HTR3B: variants seen among roughly 807,000 people sequenced by gnomAD.
HTR3B encodes 5-hydroxytryptamine (serotonin) receptor 3B, ionotropic.
HTR3B carries 44 observed loss-of-function variants against 42.8 expected under a neutral mutation model. That is an observed-to-expected ratio of 1.03 (90% confidence interval 0.81 to 1.32). HTR3B has a LOEUF of 1.32. HTR3B is among the 40% of genes most tolerant of loss of function. The probability of loss-of-function intolerance (pLI) is 0.00; values close to 1 mark genes in which losing one functional copy is unlikely to be tolerated. For missense variants in HTR3B, 527 were observed against 536.5 expected (o/e 0.98, Z 0.17); for synonymous variants, 203 against 209.0 (o/e 0.97, Z 0.25).
upstream of HTR3B, among the ~76,000 whole-genome samples, chr11:113,900,675 T>G (rs1036634518): frequency 6.6e-6 from 1 of 152,008 alleles, no homozygotes. Context: ...GTATTTTTAG[T>G]AGAGATGGGG....
rs58093170 is a variant in HTR3B at position 113,946,340 on chromosome 11, G to GTAAATAAA, written c.*238_*245dup. The GTAAATAAA allele has an allele frequency of 3.5e-3, 831 of 235,924 alleles. 4 individuals carry two copies. Among genetic ancestry groups the GTAAATAAA allele is most frequent in the African/African-American group, 5.8e-3 (234 of 40,644 alleles). The allele number at this position is 235,924 out of a possible 1,614,324, so 14.6% of individuals were successfully genotyped here. On this transcript the variant is annotated 3_prime_UTR_variant, in exon 9 of 9. Transcript: ENST00000260191. Reference sequence around the variant, plus strand: ...ACATAGTGAGACCACATCTCTACCAGTAAATAAATAAATAAATAAATAAAT... The same window carrying GTAAATAAA: ...ACATAGTGAGACCACATCTCTACCAGTAAATAAATAAATAAATAAATAAATAAATAAAT...
chr11:113,918,688 A>C, intron 2 of HTR3B, among the ~76,000 whole-genome samples: 1 of 136,906 alleles, frequency 7.3e-6, no homozygotes, highest in Non-Finnish European at 1.5e-5. Context: ...ATGGAGTCTC[A>C]CTCTGTCCCC....
At chr11:113,922,234 T>TTTTATTTA (rs200595259) in intron 2 of HTR3B, among the ~76,000 whole-genome samples, 17 of 151,852 alleles carry the variant, frequency 1.1e-4, no homozygotes, top group African/African-American at 3.9e-4. Context: ...TCTTTTTTGT[T>TTTTATTTA]TTTATTTATT....
intron 2 of HTR3B, among the ~76,000 whole-genome samples, chr11:113,922,109 T>C (rs1339614881): frequency 6.6e-6 from 1 of 152,212 alleles, no homozygotes; most frequent in East Asian, 1.9e-4. Context: ...CTGCAAAATA[T>C]TGTAGTCCTT....
chr11:113,905,488 C>T (rs1015997252), intron 1 of HTR3B, among the ~76,000 whole-genome samples: 3 of 152,134 alleles, frequency 2.0e-5, no homozygotes, highest in Non-Finnish European at 2.9e-5. Context: ...CTTACAAAAT[C>T]TATATAGGTG....
At chr11:113,941,519 G>T (rs1369176018) in intron 6 of HTR3B, among the ~76,000 whole-genome samples, 1 of 152,164 alleles carries the variant, frequency 6.6e-6, no homozygotes, top group East Asian at 1.9e-4. Context: ...AGCTCTGTGT[G>T]GCCAGCACAG....
chr11:113,926,453 CTTTCCTTTCCTTTCT>C lies in HTR3B; in HGVS notation c.214-4916_214-4902del, dbSNP rs1158411403. ...TTAAGTAAATATCAGACTGCTTTTC[CTTTCCTTTCCTTTCT>C]TTTCCTTTCCTTTCCTTTCCTTTCC... On this transcript the variant is annotated intron_variant, in intron 2 of 8. Transcript: ENST00000260191. Among the ~76,000 whole-genome samples, 327 of 143,506 alleles carry C rather than the reference CTTTCCTTTCCTTTCT, an allele frequency of 2.3e-3. 1 individual carries two copies. Among genetic ancestry groups the C allele is most frequent in the African/African-American group, 8.3e-3 (310 of 37,572 alleles). 94.1% of individuals were successfully genotyped at this position (143,506 alleles called of 152,430 possible). A position where few individuals can be genotyped will look rare whatever the true frequency, so the allele number is the denominator to read the frequency against.
At chr11:113,944,118 C>T (rs1252981185) in intron 7 of HTR3B, among the ~76,000 whole-genome samples, 3 of 151,062 alleles carry the variant, frequency 2.0e-5, no homozygotes, top group Admixed American at 2.0e-4. Flanking sequence ...CTCCTGGGTT[C>T]AAGCAATTCC....
In HTR3B at chr11:113,904,894, A is replaced by G. The variant is rs368523209; in HGVS notation, c.-40A>G. Reference sequence around the variant, plus strand: ...GAAATTGAGCGGCATTCCATCTGGTAGGCAAGTTTGCATTTCTCCTTTTTG... The same window carrying G: ...GAAATTGAGCGGCATTCCATCTGGTGGGCAAGTTTGCATTTCTCCTTTTTG... On this transcript the variant is annotated 5_prime_UTR_variant, in exon 1 of 9. Coordinates refer to ENST00000260191, the MANE Select transcript of HTR3B (RefSeq NM_006028.5). 2.6e-6 allele frequency: 4 copies of G among 1,548,916 alleles called. No individual in the cohort carries two copies. The highest frequency in any genetic ancestry group is 2.2e-5 in the South Asian group (2 of 89,618).
chr11:113,942,092 A>G (rs781327931), intron 6 of HTR3B, among the ~76,000 whole-genome samples: 1 of 152,112 alleles, frequency 6.6e-6, no homozygotes, highest in Non-Finnish European at 1.5e-5. Flanking sequence ...ACAATAAGCC[A>G]GGCACGGTGG....
At chr11:113,945,016 G>A (rs1950166143) in intron 8 of HTR3B, among the ~76,000 whole-genome samples, 1 of 152,140 alleles carries the variant, frequency 6.6e-6, no homozygotes, top group Admixed American at 6.5e-5. Flanking sequence ...TGTTGCGCAG[G>A]CTGGTCTCGA....
At chr11:113,912,371 A>T (rs181108161) in intron 2 of HTR3B, among the ~76,000 whole-genome samples, 211 of 152,192 alleles carry the variant, frequency 1.4e-3, no homozygotes, top group African/African-American at 4.7e-3. Context: ...AGCCTCCGGA[A>T]CAGCTGGGAC....
rs1341069809 is a variant in HTR3B, at chr11:113,909,369, TATC to T, written c.130_132del (p.His44del). 4 of 1,613,614 alleles carry T rather than the reference TATC, an allele frequency of 2.5e-6. No individual in the cohort carries two copies. The African/African-American group carries it at 5.3e-5, about 22-fold the overall frequency. ...TCTCAGCAAGCAGCTATTACAGAAA[TATC>T]ATAAAGAAGTGAGACCTGTTTACAA... On this transcript the variant is annotated inframe_deletion, in exon 2 of 9. Coordinates refer to ENST00000260191, the MANE Select transcript of HTR3B (RefSeq NM_006028.5).
intron 8 of HTR3B, among the ~76,000 whole-genome samples, chr11:113,945,177 C>T (rs776659510): frequency 4.6e-5 from 7 of 152,178 alleles, no homozygotes; most frequent in Non-Finnish European, 8.8e-5. Flanking sequence ...CTCTGTCGCC[C>T]AGGCTTGACT....
At chr11:113,935,950 A>T (rs1768040314) in intron 6 of HTR3B, among the ~76,000 whole-genome samples, 1 of 152,164 alleles carries the variant, frequency 6.6e-6, no homozygotes, top group Non-Finnish European at 1.5e-5. Flanking sequence ...GCTAATGTGC[A>T]ATCATAGCTG....
intron 2 of HTR3B, among the ~76,000 whole-genome samples, chr11:113,913,514 T>C (rs1343990492): frequency 6.8e-6 from 1 of 146,386 alleles, no homozygotes. Context: ...CTTGGCCTTT[T>C]TAAAAAAAAT....
chr11:113,909,984 CAAAA>C (rs1178070726), intron 2 of HTR3B, among the ~76,000 whole-genome samples: 1 of 38,996 alleles, frequency 2.6e-5, no homozygotes, highest in African/African-American at 1.0e-4. Context: ...ACCTTGTCTC[CAAAA>C]AAAAAAAAAA....
chr11:113,904,332 C>A (rs1287222070), upstream of HTR3B, among the ~76,000 whole-genome samples: 1 of 152,166 alleles, frequency 6.6e-6, no homozygotes, highest in Non-Finnish European at 1.5e-5. Flanking sequence ...GTCAATGTTT[C>A]TTTTAATTAA....
intron 2 of HTR3B, among the ~76,000 whole-genome samples, chr11:113,929,992 T>G (rs1231253088): frequency 6.6e-6 from 1 of 152,162 alleles, no homozygotes; most frequent in Non-Finnish European, 1.5e-5. Context: ...AGCCTCAGCC[T>G]CCCAAACTGC....
Sources: allele counts gnomAD v4.1 joint callset (sites outside exome capture counted in the v4.1 genomes callset), GRCh38; gene constraint gnomAD v4.1.1; transcripts MANE v1.5; gene names NCBI Gene and HGNC (gene_info 2026-07-23, HGNC 2026-07-21).